The following THEMIS variants were observed in gnomAD, a reference collection of about 807,000 sequenced individuals.
THEMIS encodes protein THEMIS.
THEMIS carries 37 observed loss-of-function variants against 52.6 expected under a neutral mutation model. The ratio of observed to expected loss-of-function variants is 0.70; its 90% CI spans 0.54 to 0.93. The LOEUF (loss-of-function observed/expected upper bound fraction) is 0.93, where lower values mean the gene tolerates loss of function less well. Among genes scored for constraint, THEMIS ranks in the 40% least tolerant of loss-of-function variants. The probability of loss-of-function intolerance (pLI) is 0.00; values close to 1 mark genes in which losing one functional copy is unlikely to be tolerated. For missense variants in THEMIS, 808 were observed against 763.1 expected, an observed-to-expected ratio of 1.06 and a Z score of -0.69; for synonymous variants, 292 against 272.7, an observed-to-expected ratio of 1.07 and a Z score of -0.70.
intron 4 of THEMIS, among the ~76,000 whole-genome samples, chr6:127,724,840 T>C (rs949246417): frequency 6.6e-6 from 1 of 152,022 alleles, no homozygotes; most frequent in East Asian, 1.9e-4. Flanking sequence ...AACCAAGATG[T>C]CCACAAAAAA....
intron 5 of THEMIS, among the ~76,000 whole-genome samples, chr6:127,713,721 T>C (rs1445934387): frequency 1.3e-5 from 2 of 151,812 alleles, no homozygotes; most frequent in African/African-American, 2.4e-5. Context: ...TTAGATAAAA[T>C]AGTCTGTGCC....
intron 4 of THEMIS, among the ~76,000 whole-genome samples, chr6:127,720,489 T>A (rs1562213184): frequency 6.6e-6 from 1 of 152,082 alleles, no homozygotes; most frequent in East Asian, 1.9e-4. Context: ...AAGACTTCAA[T>A]TGGAAATTAA....
chr6:127,830,117 ATAGATCAC>A (rs1246985280), intron 2 of THEMIS, among the ~76,000 whole-genome samples, 183 bp from the exon 3 acceptor site: 11 of 152,178 alleles, frequency 7.2e-5, no homozygotes, highest in Admixed American at 7.2e-4. Flanking sequence ...AGTATTGCTT[ATAGATCAC>A]TAGATCATAA....
intron 4 of THEMIS, among the ~76,000 whole-genome samples, chr6:127,788,559 G>A (rs528616560): frequency 9.2e-5 from 14 of 152,092 alleles, no homozygotes; most frequent in Admixed American, 2.6e-4. Context: ...ATTCATTTAC[G>A]GACAGTAAGA....
At chr6:127,812,437 A>G (rs999059624) in intron 4 of THEMIS, among the ~76,000 whole-genome samples, 1 of 152,226 alleles carries the variant, frequency 6.6e-6, no homozygotes, top group Non-Finnish European at 1.5e-5. Flanking sequence ...AAATGAAGAC[A>G]TGTGCTATAG....
rs1369435206 is a variant in THEMIS, at chr6:127,813,609, C to T, written c.1032G>A (p.Arg344=). ...IPTSYKGKFK[R]RPREFPTAYD... is the part of the protein sequence containing the mutation. ...AGGCCGTTGGGAACTCCCTCGGTCG[C>T]CGCTTGAACTTGCCTTTATAGCTAG... The change falls in exon 4 of 6, where the codon CGG becomes CGA. Residue 344 remains arginine, a synonymous_variant. Coordinates refer to ENST00000368248, the MANE Select transcript of THEMIS (RefSeq NM_001010923.3). 1 of 1,613,982 alleles carries T rather than the reference C, an allele frequency of 6.2e-7. No individual in the cohort carries two copies. Among genetic ancestry groups the T allele is most frequent in the Non-Finnish European group, 8.5e-7 (1 of 1,180,016 alleles).
Position 127,850,363 on chromosome 6 carries a change from C to T in THEMIS, c.250+4667G>A, listed in dbSNP as rs530270682. On this transcript the variant is annotated intron_variant, in intron 2 of 5. Coordinates refer to ENST00000368248, the MANE Select transcript of THEMIS (RefSeq NM_001010923.3). ...AGTCCTTAAATAACCAAAAGTAGAA[C>T]AATCTGGCAATTCCATTACTGCATA... 4.6e-4 allele frequency among the ~76,000 whole-genome samples: 70 copies of T among 151,236 alleles called. No individual in the cohort carries two copies. The Middle Eastern group carries it at 0.01, about 22-fold the overall frequency.
At chr6:127,710,230 T>C (rs994292327) in intron 5 of THEMIS, among the ~76,000 whole-genome samples, 1 of 151,784 alleles carries the variant, frequency 6.6e-6, no homozygotes, top group Non-Finnish European at 1.5e-5. Context: ...TAGATACTTG[T>C]ATGAGGTAGG....
At chr6:127,888,526 A>C (rs1213881902) in intron 1 of THEMIS, among the ~76,000 whole-genome samples, 1 of 152,134 alleles carries the variant, frequency 6.6e-6, no homozygotes, top group Non-Finnish European at 1.5e-5. Flanking sequence ...TTTTATAAAA[A>C]TTATAACAGA....
intron 4 of THEMIS, among the ~76,000 whole-genome samples, chr6:127,778,423 A>T (rs1776635626): frequency 6.6e-6 from 1 of 152,182 alleles, no homozygotes; most frequent in African/African-American, 2.4e-5. Context: ...CATTATCTGT[A>T]GACAACATGT....
intron 1 of THEMIS, among the ~76,000 whole-genome samples, chr6:127,885,403 T>C (rs1174481768): frequency 6.6e-6 from 1 of 152,142 alleles, no homozygotes; most frequent in East Asian, 1.9e-4. Flanking sequence ...TGGTGAGTTA[T>C]ACTCTCCCCA....
chr6:127,742,728 A>G (rs548033620), intron 4 of THEMIS, among the ~76,000 whole-genome samples: 1 of 152,216 alleles, frequency 6.6e-6, no homozygotes, highest in Non-Finnish European at 1.5e-5. Flanking sequence ...TCAAATTCAT[A>G]GAGATGGAAA....
Position 127,864,502 on chromosome 6 carries a change from G to A in THEMIS, c.92-9314C>T, listed in dbSNP as rs926068331. Among the ~76,000 whole-genome samples the A allele has an allele frequency of 3.9e-5, 6 of 152,070 alleles. 1 individual carries two copies. Among genetic ancestry groups the A allele is most frequent in the Admixed American group, 3.9e-4 (6 of 15,230 alleles). On this transcript the variant is annotated intron_variant, in intron 1 of 5. Transcript: ENST00000368248. ...TGGGAGAGTGCCAGGGAAGCAGAGA[G>A]GTGAGTTCAATAGAGAGGCATCCTG...
chr6:127,908,682 T>C (rs1364035728), intron 1 of THEMIS, among the ~76,000 whole-genome samples: 2 of 152,160 alleles, frequency 1.3e-5, no homozygotes, highest in Non-Finnish European at 1.5e-5. Flanking sequence ...TCCCTTTAAA[T>C]GGTGGAGGTC....
intron 2 of THEMIS, among the ~76,000 whole-genome samples, chr6:127,847,085 T>C (rs1779239569): frequency 6.6e-6 from 1 of 151,922 alleles, no homozygotes; most frequent in African/African-American, 2.4e-5. Flanking sequence ...ATTCAGCATC[T>C]CTTTATGATA....
intron 4 of THEMIS, among the ~76,000 whole-genome samples, chr6:127,799,035 C>G (rs183368231): frequency 6.6e-6 from 1 of 150,882 alleles, no homozygotes; most frequent in Admixed American, 6.6e-5. Context: ...ATTAAAGACT[C>G]AGAAGAGAAT....
Position 127,829,582 on chromosome 6 carries a change from G to T in THEMIS, c.603C>A (p.Asn201Lys), listed in dbSNP as rs757020706. The change falls in exon 3 of 6, where the codon AAC (asparagine) becomes AAA (lysine). Residue 201 changes from asparagine to lysine, a missense_variant. Coordinates refer to ENST00000368248, the MANE Select transcript of THEMIS (RefSeq NM_001010923.3). The stretch of plus-strand genomic sequence containing the variant: ...CCCACTTATTTGAAAAATCTGTAAG[G>T]TTTACAGTTCTTGTTCTGTTCTTAG... ...KIPKNRTRTV[N>K]LTDFSNKWDS... The T allele has an allele frequency of 9.9e-6, 16 of 1,613,876 alleles. No individual in the cohort carries two copies. Among genetic ancestry groups the T allele is most frequent in the South Asian group, 7.7e-5 (7 of 91,084 alleles).
chr6:127,916,233 A>C (rs1781524629), intron 1 of THEMIS, among the ~76,000 whole-genome samples: 1 of 151,822 alleles, frequency 6.6e-6, no homozygotes, highest in Admixed American at 6.6e-5. Context: ...ATGAGTTAGA[A>C]ATAATTATAT....
chr6:127,912,028 G>A (rs1433881345), intron 1 of THEMIS, among the ~76,000 whole-genome samples: 4 of 152,174 alleles, frequency 2.6e-5, no homozygotes, highest in Admixed American at 2.6e-4. Context: ...TTTGCAGCTG[G>A]TGAAAGCAGC....
Sources: gnomAD v4.1 joint callset for allele counts (sites outside exome capture counted in the v4.1 genomes callset) on GRCh38, gnomAD v4.1.1 for gene constraint, MANE v1.5 for transcripts, NCBI Gene and HGNC (gene_info 2026-07-23, HGNC 2026-07-21) for gene names.